TMEM132C: variants seen among roughly 807,000 people sequenced by gnomAD.
TMEM132C encodes transmembrane protein 132C.
Under a neutral mutation model 61.4 loss-of-function variants are expected in TMEM132C, and 29 were observed. The ratio of observed to expected loss-of-function variants is 0.47; its 90% CI spans 0.35 to 0.64. The LOEUF is 0.64. Ranked by LOEUF, TMEM132C falls within the 30% of genes least tolerant of loss-of-function variation. The probability of loss-of-function intolerance (pLI) is 0.00; values close to 1 mark genes in which losing one functional copy is unlikely to be tolerated. For synonymous variants in TMEM132C, 656 were observed against 633.1 expected, an observed-to-expected ratio of 1.04 and a Z score of -0.54; for missense variants, 1,408 against 1,476.9, an observed-to-expected ratio of 0.95 and a Z score of 0.76.
chr12:128,428,484 G>A (rs1475956731), intron 2 of TMEM132C, among the ~76,000 whole-genome samples: 1 of 152,082 alleles, frequency 6.6e-6, no homozygotes, highest in East Asian at 1.9e-4. Context: ...TCTCAGCTTG[G>A]TATGAGTCAT....
At chr12:128,634,516 G>A (rs1213774882) in intron 4 of TMEM132C, among the ~76,000 whole-genome samples, 1 of 152,208 alleles carries the variant, frequency 6.6e-6, no homozygotes, top group East Asian at 1.9e-4. Flanking sequence ...CAAGGGAATG[G>A]CCCCAACACT....
chr12:128,386,065 T>G (rs1874570911), intron 1 of TMEM132C, among the ~76,000 whole-genome samples: 1 of 152,096 alleles, frequency 6.6e-6, no homozygotes, highest in South Asian at 2.1e-4. Flanking sequence ...CCCTCACACT[T>G]AGACCTAGAA....
At chr12:128,548,210 GA>G (rs755377863) in intron 3 of TMEM132C, among the ~76,000 whole-genome samples, 10 of 152,210 alleles carry the variant, frequency 6.6e-5, no homozygotes, top group South Asian at 4.1e-4. Flanking sequence ...AAAATTGCTT[GA>G]AAATATATGG....
At chr12:128,370,429 C>G (rs1310014398) in intron 1 of TMEM132C, among the ~76,000 whole-genome samples, 1 of 152,034 alleles carries the variant, frequency 6.6e-6, no homozygotes, top group Non-Finnish European at 1.5e-5. Context: ...GAGTCATTGG[C>G]AGGGTTAAAG....
chr12:128,336,809 T>C (rs1872802465), intron 1 of TMEM132C, among the ~76,000 whole-genome samples: 1 of 152,206 alleles, frequency 6.6e-6, no homozygotes, highest in Non-Finnish European at 1.5e-5. Flanking sequence ...TGCCATCTTC[T>C]TCCTGTCTTT....
At position 128,561,404 on chromosome 12, in the gene TMEM132C, C is replaced by T. The variant is rs151033196; in HGVS notation, c.1121+17301C>T. Among the ~76,000 whole-genome samples the T allele has an allele frequency of 5.1e-3, 775 of 152,274 alleles. 2 individuals carry two copies. Among genetic ancestry groups the T allele is most frequent in the African/African-American group, 0.017 (708 of 41,556 alleles). ...GGCTGTTCCCCTAAAAGCTTGAAAACGGAAGAGTCTTCACACGCTGCCTTC... is the reference window on the plus strand; with the variant it reads ...GGCTGTTCCCCTAAAAGCTTGAAAATGGAAGAGTCTTCACACGCTGCCTTC... On this transcript the variant is annotated intron_variant, in intron 3 of 8. Transcript: ENST00000435159.
At chr12:128,388,593 C>A (rs1049410865) in intron 1 of TMEM132C, among the ~76,000 whole-genome samples, 4 of 152,166 alleles carry the variant, frequency 2.6e-5, no homozygotes, top group African/African-American at 7.2e-5. Flanking sequence ...GCTCCGCAGC[C>A]TCTGACCAGC....
intron 1 of TMEM132C, among the ~76,000 whole-genome samples, chr12:128,338,605 A>G (rs1381183172): frequency 6.6e-6 from 1 of 151,990 alleles, no homozygotes; most frequent in Non-Finnish European, 1.5e-5. Flanking sequence ...AGACGGGTAA[A>G]GAGCTGGAAA....
chr12:128,483,630 T>C (rs975641431), intron 2 of TMEM132C, among the ~76,000 whole-genome samples: 5 of 152,130 alleles, frequency 3.3e-5, no homozygotes, highest in Non-Finnish European at 5.9e-5. Context: ...GCAAACTTTG[T>C]ACAGGTGTTT....
At chr12:128,473,674 A>G (rs78711502) in intron 2 of TMEM132C, among the ~76,000 whole-genome samples, 6 of 138,230 alleles carry the variant, frequency 4.3e-5, no homozygotes, top group South Asian at 2.4e-4. Flanking sequence ...TCCAGCTTCT[A>G]TCTTCATCCT....
intron 3 of TMEM132C, among the ~76,000 whole-genome samples, chr12:128,550,306 C>CTT (rs542256385): frequency 2.8e-5 from 4 of 143,096 alleles, no homozygotes; most frequent in African/African-American, 1.0e-4. Flanking sequence ...GGTGTCTTGT[C>CTT]TTTTTTTTTT....
chr12:128,356,284 G>T (rs1873502355), intron 1 of TMEM132C, among the ~76,000 whole-genome samples: 1 of 152,168 alleles, frequency 6.6e-6, no homozygotes, highest in Non-Finnish European at 1.5e-5. Flanking sequence ...CCACTGAGTG[G>T]GTGAAAACCC....
rs865946375 is a variant in TMEM132C, at chr12:128,616,306, G to A, written c.1276G>A (p.Asp426Asn). ...AVSEIFVSQK[D>N]LVGIVPLAMD... ...GTCCGAGATCTTTGTCAGCCAGAAG[G>A]ACCTGGTGGGCATCGTTCCCTTGGC... Residue 426 changes from aspartate (D) to asparagine (N), a missense_variant, in exon 4 of 9, where the codon GAC (aspartate) becomes AAC (asparagine). Physicochemically the swap from Asp to Asn is conservative, Grantham distance 23. Transcript: ENST00000435159. 2 of 1,551,868 alleles carry A rather than the reference G, an allele frequency of 1.3e-6. No individual in the cohort carries two copies. Among genetic ancestry groups the A allele is most frequent in the Non-Finnish European group, 1.7e-6 (2 of 1,147,028 alleles).
intron 1 of TMEM132C, among the ~76,000 whole-genome samples, chr12:128,377,886 C>A (rs1305558266): frequency 6.6e-6 from 1 of 152,068 alleles, no homozygotes; most frequent in African/African-American, 2.4e-5. Flanking sequence ...CAGGGCTGGC[C>A]GAGTTTTGAG....
At chr12:128,697,106 C>A in intron 7 of TMEM132C, 118 bp from the exon 8 acceptor site, 1 of 832,436 alleles carries the variant, frequency 1.2e-6, no homozygotes, top group Non-Finnish European at 1.8e-6. Flanking sequence ...ATATGTAACT[C>A]CTTTGCCCTG....
intron 2 of TMEM132C, among the ~76,000 whole-genome samples, chr12:128,507,398 C>CT (rs1872404501): frequency 7.5e-5 from 8 of 106,528 alleles, no homozygotes; most frequent in Non-Finnish European, 1.1e-4. Flanking sequence ...TTTTTTTTTT[C>CT]TTTCTTTTTT....
intron 5 of TMEM132C, among the ~76,000 whole-genome samples, chr12:128,682,256 C>A (rs901622101): frequency 2.0e-5 from 3 of 152,188 alleles, no homozygotes; most frequent in Non-Finnish European, 4.4e-5. Flanking sequence ...CCACAGGGAG[C>A]TCCATGGGAT....
intron 1 of TMEM132C, among the ~76,000 whole-genome samples, chr12:128,364,764 G>A (rs1324921551): frequency 6.6e-6 from 1 of 152,150 alleles, no homozygotes; most frequent in Non-Finnish European, 1.5e-5. Flanking sequence ...ACACAGTGGT[G>A]GTGGCCTCTA....
chr12:128,434,880 C>G (rs1322712117), intron 2 of TMEM132C, among the ~76,000 whole-genome samples: 1 of 149,402 alleles, frequency 6.7e-6, no homozygotes, highest in African/African-American at 2.5e-5. Flanking sequence ...CCTCGACCTC[C>G]CAAAGTGCTG....
Sources: allele counts gnomAD v4.1 joint callset (sites outside exome capture counted in the v4.1 genomes callset), GRCh38; gene constraint gnomAD v4.1.1; transcripts MANE v1.5; gene names NCBI Gene and HGNC (gene_info 2026-07-23, HGNC 2026-07-21).